NBEA: variants seen among roughly 807,000 people sequenced by gnomAD.
The protein encoded by NBEA is lysosomal-trafficking regulator 2.
In NBEA, 44 loss-of-function variants were observed where a neutral mutation model predicts 343.4. The ratio of observed to expected loss-of-function variants is 0.13; its 90% CI spans 0.10 to 0.16. The LOEUF (loss-of-function observed/expected upper bound fraction) is 0.16, where lower values mean the gene tolerates loss of function less well. Ranked by LOEUF, NBEA falls within the 10% of genes least tolerant of loss-of-function variation. The probability of loss-of-function intolerance (pLI) is 1.00; values close to 1 mark genes in which losing one functional copy is unlikely to be tolerated. For missense variants in NBEA, 2,555 were observed against 3,631.3 expected (o/e 0.70, Z 7.62); for synonymous variants, 1,175 against 1,238.7 (o/e 0.95, Z 1.08).
intron 10 of NBEA, among the ~76,000 whole-genome samples, chr13:35,098,087 T>G (rs1240987323): frequency 6.6e-6 from 1 of 152,166 alleles, no homozygotes; most frequent in Non-Finnish European, 1.5e-5. Flanking sequence ...ATTCAGTTTA[T>G]TATATTTAAT....
chr13:35,382,460 G>A (rs2042060783), intron 38 of NBEA, among the ~76,000 whole-genome samples: 1 of 152,138 alleles, frequency 6.6e-6, no homozygotes, highest in Non-Finnish European at 1.5e-5. Context: ...AGAAACACAA[G>A]CCATATAGAT....
At chr13:34,947,952 C>T (rs1385457454) in intron 1 of NBEA, among the ~76,000 whole-genome samples, 4 of 152,170 alleles carry the variant, frequency 2.6e-5, no homozygotes, top group African/African-American at 9.7e-5. Context: ...TTTGAACTGG[C>T]ATCTGTTAGT....
chr13:35,432,711 A>C (rs2045200980), intron 39 of NBEA, among the ~76,000 whole-genome samples: 1 of 151,814 alleles, frequency 6.6e-6, no homozygotes, highest in Non-Finnish European at 1.5e-5. Flanking sequence ...GTGTCTTTCA[A>C]ACTTTGATGA....
intron 1 of NBEA, among the ~76,000 whole-genome samples, chr13:34,971,654 T>A (rs911050725): frequency 1.3e-5 from 2 of 152,104 alleles, no homozygotes; most frequent in African/African-American, 2.4e-5. Context: ...ATGAGTCACA[T>A]TTATTGATTT....
intron 38 of NBEA, among the ~76,000 whole-genome samples, chr13:35,422,087 T>A (rs1174829664): frequency 2.6e-5 from 2 of 78,010 alleles, no homozygotes; most frequent in Non-Finnish European, 5.0e-5. Flanking sequence ...TTTTTTTGTT[T>A]GTTTGTTTTT....
At chr13:35,226,772 C>T (rs2074678595) in intron 33 of NBEA, among the ~76,000 whole-genome samples, 1 of 150,270 alleles carries the variant, frequency 6.7e-6, no homozygotes, top group Non-Finnish European at 1.5e-5. Flanking sequence ...CCCAAAAAAG[C>T]ATTACATAAT....
At chr13:35,334,588 G>T (rs1183414273) in intron 36 of NBEA, among the ~76,000 whole-genome samples, 1 of 152,160 alleles carries the variant, frequency 6.6e-6, no homozygotes, top group Non-Finnish European at 1.5e-5. Context: ...GTTTTGGTTT[G>T]CATTTCTCTG....
intron 29 of NBEA, among the ~76,000 whole-genome samples, chr13:35,182,944 TTC>T (rs1223173473): frequency 6.6e-6 from 1 of 151,414 alleles, no homozygotes; most frequent in Non-Finnish European, 1.5e-5. Flanking sequence ...TTGGATTTTT[TTC>T]TTTTTTAGCT....
At chr13:35,082,343 G>C (rs1436422589) in intron 10 of NBEA, among the ~76,000 whole-genome samples, 1 of 152,176 alleles carries the variant, frequency 6.6e-6, no homozygotes, top group Non-Finnish European at 1.5e-5. Context: ...TTGGTTCCAA[G>C]TCTTTGCTAT....
At position 35,563,516 on chromosome 13, in the gene NBEA, T is replaced by C. The variant is rs75651158; in HGVS notation, c.6923-3389T>C. Among the ~76,000 whole-genome samples, 329 of 152,054 alleles carry C rather than the reference T, an allele frequency of 2.2e-3. 1 individual carries two copies. The highest frequency in any genetic ancestry group is 7.3e-3 in the African/African-American group (303 of 41,558). The stretch of plus-strand genomic sequence containing the variant: ...TTTTTTCCATGTAACATTAAATACA[T>C]TGTGCATTTTTAATTCAAATCAAAT... On this transcript the variant is annotated intron_variant, in intron 44 of 58. Transcript: ENST00000379939.
intron 48 of NBEA, among the ~76,000 whole-genome samples, chr13:35,627,476 T>G (rs183891290): frequency 9.7e-4 from 148 of 152,062 alleles, no homozygotes; most frequent in Non-Finnish European, 1.8e-3. Flanking sequence ...GGAAACTTAG[T>G]ATGGGCCTTG....
chr13:35,431,263 A>G, intron 38 of NBEA, among the ~76,000 whole-genome samples: 1 of 152,152 alleles, frequency 6.6e-6, no homozygotes, highest in East Asian at 1.9e-4. Context: ...TAAAATATCA[A>G]AATAATGAAA....
At chr13:35,482,333 G>A (rs966416441) in intron 41 of NBEA, among the ~76,000 whole-genome samples, 2 of 151,186 alleles carry the variant, frequency 1.3e-5, no homozygotes, top group Admixed American at 6.6e-5. Flanking sequence ...TTACATATAA[G>A]TATAGAGATA....
At chr13:35,037,158 T>C (rs1229375295) in intron 1 of NBEA, among the ~76,000 whole-genome samples, 2 of 152,224 alleles carry the variant, frequency 1.3e-5, no homozygotes, top group Non-Finnish European at 2.9e-5. Context: ...TTTCCTCTGG[T>C]TGTTCCAGTC....
intron 31 of NBEA, among the ~76,000 whole-genome samples, chr13:35,202,539 A>T (rs1484365802): frequency 6.6e-6 from 1 of 152,152 alleles, no homozygotes; most frequent in African/African-American, 2.4e-5. Context: ...ACCATGATGT[A>T]CACAGATAAG....
At chr13:35,116,178 T>A (rs1307421171) in intron 13 of NBEA, among the ~76,000 whole-genome samples, 1 of 152,126 alleles carries the variant, frequency 6.6e-6, no homozygotes, top group Non-Finnish European at 1.5e-5. Flanking sequence ...CAGATTATTA[T>A]TAATATGATA....
intron 41 of NBEA, among the ~76,000 whole-genome samples, chr13:35,546,170 A>G (rs1192195813): frequency 6.6e-6 from 1 of 152,232 alleles, no homozygotes; most frequent in Non-Finnish European, 1.5e-5. Flanking sequence ...GGGGACAGAC[A>G]AAAAACAAGT....
intron 41 of NBEA, among the ~76,000 whole-genome samples, chr13:35,490,075 G>C (rs1207768216): frequency 6.6e-6 from 1 of 151,812 alleles, no homozygotes; most frequent in Non-Finnish European, 1.5e-5. Flanking sequence ...GTTTCAATGA[G>C]TGGCACTTTT....
Position 35,566,947 on chromosome 13 carries a change from G to C in NBEA, c.6965G>C (p.Trp2322Ser). 6.2e-7 allele frequency: 1 copy of C among 1,612,634 alleles called. No individual in the cohort carries two copies. The highest frequency in any genetic ancestry group is 8.5e-7 in the Non-Finnish European group (1 of 1,178,930). Residue 2322 changes from tryptophan (W) to serine (S), a missense_variant, in exon 45 of 59, where the codon TGG becomes TCG. Around this residue, in one of 21 missense-constraint regions of NBEA, gnomAD observed 38 missense variants for 97.2 expected, o/e 0.39. Transcript: ENST00000379939. ...NDLNQYPVFP[W>S]VLTNYESEEL... is the part of the protein sequence containing the mutation. ...CTGAACCAATATCCAGTGTTTCCGT[G>C]GGTGTTAACCAACTATGAATCAGAA...
Sources: allele counts gnomAD v4.1 joint callset (sites outside exome capture counted in the v4.1 genomes callset), GRCh38; gene constraint gnomAD v4.1.1; regional missense constraint gnomAD v4.1.1; transcripts MANE v1.5; gene names NCBI Gene and HGNC (gene_info 2026-07-23, HGNC 2026-07-21).